Variants in IMMP2L observed in about 807,000 individuals in gnomAD.
The protein encoded by IMMP2L is mitochondrial inner membrane protease subunit 2.
Under a neutral mutation model 19.3 loss-of-function variants are expected in IMMP2L, and 18 were observed. The observed-to-expected ratio is 0.93, with a 90% CI of 0.64 to 1.38. The LOEUF is 1.38. IMMP2L is among the 40% of genes most tolerant of loss of function. The pLI, the probability that IMMP2L is intolerant of heterozygous loss-of-function variation, is 0.00. For missense variants in IMMP2L, 233 were observed against 218.2 expected, an observed-to-expected ratio of 1.07 and a Z score of -0.43; for synonymous variants, 76 against 73.0, an observed-to-expected ratio of 1.04 and a Z score of -0.21.
intron 2 of IMMP2L, among the ~76,000 whole-genome samples, chr7:111,514,494 T>G (rs1478369305): frequency 6.6e-6 from 1 of 152,108 alleles, no homozygotes; most frequent in Non-Finnish European, 1.5e-5. Context: ...ATTGTGCACA[T>G]GTACCCTAAA....
intron 3 of IMMP2L, among the ~76,000 whole-genome samples, chr7:110,968,766 T>C (rs1819829286): frequency 6.6e-6 from 1 of 152,126 alleles, no homozygotes; most frequent in Admixed American, 6.6e-5. Flanking sequence ...CATATGAGTC[T>C]AGAAATCTTG....
intron 5 of IMMP2L, among the ~76,000 whole-genome samples, chr7:110,720,568 C>T (rs181866591): frequency 6.6e-6 from 1 of 152,248 alleles, no homozygotes; most frequent in Non-Finnish European, 1.5e-5. Flanking sequence ...CAGGATGTCT[C>T]ACGTACATAC....
intron 3 of IMMP2L, among the ~76,000 whole-genome samples, chr7:111,146,787 A>G (rs1401288597): frequency 6.6e-6 from 1 of 152,126 alleles, no homozygotes; most frequent in East Asian, 1.9e-4. Context: ...ATATTGTTCT[A>G]TCTGCAATTG....
At chr7:111,231,665 C>T (rs1813729254) in intron 3 of IMMP2L, among the ~76,000 whole-genome samples, 1 of 151,866 alleles carries the variant, frequency 6.6e-6, no homozygotes, top group Admixed American at 6.6e-5. Context: ...CCAAGAGCAA[C>T]ACATATGTTA....
At chr7:110,987,460 T>C (rs1386643039) in intron 3 of IMMP2L, among the ~76,000 whole-genome samples, 2 of 152,188 alleles carry the variant, frequency 1.3e-5, no homozygotes, top group Non-Finnish European at 2.9e-5. Context: ...CTCAGTCAAG[T>C]ATGTCAAAGT....
chr7:110,676,190 G>C (rs565510401), intron 5 of IMMP2L, among the ~76,000 whole-genome samples: 1 of 152,300 alleles, frequency 6.6e-6, no homozygotes, highest in South Asian at 2.1e-4. Context: ...AATAATTTAT[G>C]TTTCCATCTC....
intron 3 of IMMP2L, among the ~76,000 whole-genome samples, chr7:111,292,003 GCC>G (rs766116219): frequency 2.0e-5 from 3 of 152,100 alleles, no homozygotes; most frequent in Non-Finnish European, 2.9e-5. Context: ...GCTCTTTCTT[GCC>G]TGTCCCCCTG....
chr7:111,471,919 G>T (rs1349622294), intron 3 of IMMP2L, among the ~76,000 whole-genome samples: 1 of 151,978 alleles, frequency 6.6e-6, no homozygotes, highest in East Asian at 1.9e-4. Context: ...GCTTACTCAG[G>T]TCACCTAGCT....
intron 4 of IMMP2L, among the ~76,000 whole-genome samples, chr7:110,941,122 T>G (rs1816694574): frequency 6.6e-6 from 1 of 152,152 alleles, no homozygotes; most frequent in Non-Finnish European, 1.5e-5. Context: ...GTTAAATGCA[T>G]CTCTCAGAAG....
At chr7:111,030,314 T>C (rs570584091) in intron 3 of IMMP2L, among the ~76,000 whole-genome samples, 20 of 152,290 alleles carry the variant, frequency 1.3e-4, no homozygotes, top group African/African-American at 4.6e-4. Flanking sequence ...TAAAAACTGA[T>C]GCTACTTAAA....
chr7:111,177,254 A>G (rs1247691372), intron 3 of IMMP2L, among the ~76,000 whole-genome samples: 3 of 152,030 alleles, frequency 2.0e-5, no homozygotes, highest in African/African-American at 7.2e-5. Flanking sequence ...ATCGCAGTTC[A>G]CTGCAGGCTT....
chr7:111,062,665 A>G (rs1794128877), intron 3 of IMMP2L, among the ~76,000 whole-genome samples: 1 of 152,240 alleles, frequency 6.6e-6, no homozygotes, highest in Non-Finnish European at 1.5e-5. Context: ...CAATGGCGGT[A>G]CAGGCATTGG....
intron 3 of IMMP2L, among the ~76,000 whole-genome samples, chr7:111,011,151 C>G (rs1369789827): frequency 6.6e-6 from 1 of 151,832 alleles, no homozygotes; most frequent in African/African-American, 2.4e-5. Context: ...AAAAAAGTAC[C>G]CACTAAATTT....
chr7:111,372,770 A>G (rs956483175), intron 3 of IMMP2L, among the ~76,000 whole-genome samples: 1 of 152,088 alleles, frequency 6.6e-6, no homozygotes, highest in Non-Finnish European at 1.5e-5. Flanking sequence ...AGCAAGGATG[A>G]TAAGAAACAC....
intron 4 of IMMP2L, among the ~76,000 whole-genome samples, chr7:110,930,260 A>C (rs1041474065): frequency 6.6e-6 from 1 of 152,104 alleles, no homozygotes; most frequent in Admixed American, 6.5e-5. Context: ...TATTCCACCA[A>C]GGTTATCCTC....
intron 4 of IMMP2L, among the ~76,000 whole-genome samples, chr7:110,934,930 T>G (rs1336455378): frequency 6.6e-6 from 1 of 152,212 alleles, no homozygotes; most frequent in Non-Finnish European, 1.5e-5. Flanking sequence ...AGCACACTGA[T>G]AAGTCTTGAC....
At chr7:110,825,660 T>C in intron 5 of IMMP2L, among the ~76,000 whole-genome samples, 1 of 152,210 alleles carries the variant, frequency 6.6e-6, no homozygotes, top group South Asian at 2.1e-4. Context: ...CTGGATCCCT[T>C]CCTTACACCT....
intron 3 of IMMP2L, among the ~76,000 whole-genome samples, chr7:111,128,717 C>T (rs1488353046): frequency 4.6e-5 from 7 of 152,110 alleles, no homozygotes; most frequent in Middle Eastern, 3.4e-3. Flanking sequence ...CCCAGCTACT[C>T]GGGGGCCTGA....
intron 3 of IMMP2L, among the ~76,000 whole-genome samples, chr7:111,079,742 A>G (rs1795733219): frequency 6.6e-6 from 1 of 152,200 alleles, no homozygotes; most frequent in Admixed American, 6.5e-5. Context: ...TATGGTTTGA[A>G]TGTGTCCCCA....
Sources: allele counts gnomAD v4.1 joint callset (sites outside exome capture counted in the v4.1 genomes callset), GRCh38; gene constraint gnomAD v4.1.1; transcripts MANE v1.5; gene names NCBI Gene and HGNC (gene_info 2026-07-23, HGNC 2026-07-21).